The following DRC9 variants were observed in gnomAD, a reference collection of about 807,000 sequenced individuals.
The protein encoded by DRC9 is dynein regulatory complex subunit 9, also known as dynein regulatory complex protein 9.
the DRC9 span, among the ~76,000 whole-genome samples, chr3:197,945,425 G>C: frequency 6.6e-6 from 1 of 152,272 alleles, no homozygotes; most frequent in East Asian, 1.9e-4. Context: ...GAGACCTCAA[G>C]CCAGCACCAT....
the DRC9 span, among the ~76,000 whole-genome samples, chr3:197,899,885 A>G: frequency 3.3e-5 from 5 of 152,256 alleles, no homozygotes; most frequent in Non-Finnish European, 7.4e-5. Flanking sequence ...GGTAGGAAAG[A>G]CGGCTTTGAA....
At chr3:197,956,888 CCT>C in the DRC9 span, 1 of 151,920 alleles carries the variant, frequency 6.6e-6, no homozygotes, top group Non-Finnish European at 1.5e-5. Context: ...TTGTCTGCCC[CCT>C]GAGGGTTACT....
the DRC9 span, among the ~76,000 whole-genome samples, chr3:197,947,090 C>T: frequency 1.3e-5 from 2 of 152,228 alleles, no homozygotes; most frequent in Non-Finnish European, 2.9e-5. Flanking sequence ...AGATTACAGG[C>T]GTGAGCCAAG....
At chr3:197,935,308 C>T in the DRC9 span, among the ~76,000 whole-genome samples, 9 of 152,034 alleles carry the variant, frequency 5.9e-5, no homozygotes, top group South Asian at 2.1e-4. Flanking sequence ...GGCGTGGTGA[C>T]GCACGCCAGT....
chr3:197,930,676 G>A, the DRC9 span, among the ~76,000 whole-genome samples: 2 of 151,376 alleles, frequency 1.3e-5, no homozygotes, highest in Admixed American at 6.6e-5. Flanking sequence ...TGAGGCTGCA[G>A]TGAGCTGTGG....
At chr3:197,932,967 T>TTATATTATA in the DRC9 span, among the ~76,000 whole-genome samples, 2 of 135,422 alleles carry the variant, frequency 1.5e-5, no homozygotes, top group African/African-American at 5.6e-5. Flanking sequence ...TTATTATATA[T>TTATATTATA]TATATTATAT....
the DRC9 span, among the ~76,000 whole-genome samples, chr3:197,896,408 A>G: frequency 6.6e-6 from 1 of 152,240 alleles, no homozygotes. Context: ...ATGGCATGCA[A>G]ATAACTAGAG....
the DRC9 span, chr3:197,938,788 A>G: frequency 8.8e-6 from 14 of 1,583,596 alleles, no homozygotes; most frequent in Non-Finnish European, 1.2e-5. Context: ...TTTCTTTTAA[A>G]ACAATAAACA....
the DRC9 span, among the ~76,000 whole-genome samples, chr3:197,940,192 C>T: frequency 2.6e-5 from 4 of 151,836 alleles, no homozygotes; most frequent in Non-Finnish European, 4.4e-5. Context: ...GATGAGGTTT[C>T]GCCATTTTGG....
the DRC9 span, among the ~76,000 whole-genome samples, chr3:197,941,653 T>C: frequency 1.4e-5 from 2 of 143,890 alleles, no homozygotes; most frequent in Non-Finnish European, 3.0e-5. Context: ...CTCAGTCTCA[T>C]GGGCTCAAAT....
the DRC9 span, among the ~76,000 whole-genome samples, chr3:197,940,324 T>A: frequency 1.2e-4 from 18 of 145,182 alleles, no homozygotes; most frequent in East Asian, 9.9e-4. Context: ...TATATATATA[T>A]AATAATATAT....
At chr3:197,953,778 C>T in the DRC9 span, 1 of 601,480 alleles carries the variant, frequency 1.7e-6, no homozygotes, top group Non-Finnish European at 3.0e-6. Context: ...ACTTGGTTAT[C>T]ATGTGAAAGA....
At chr3:197,889,431 C>A in the DRC9 span, 1 of 882,894 alleles carries the variant, frequency 1.1e-6, no homozygotes, top group Middle Eastern at 2.3e-4. Flanking sequence ...GTGAAATTAA[C>A]AGGCAAAGTG....
At chr3:197,891,950 C>T in the DRC9 span, among the ~76,000 whole-genome samples, 17 of 152,150 alleles carry the variant, frequency 1.1e-4, no homozygotes, top group African/African-American at 3.4e-4. Context: ...AGTGCAGTGG[C>T]GCAGTGTTGG....
chr3:197,891,626 A>G, the DRC9 span: 7 of 675,116 alleles, frequency 1.0e-5, no homozygotes, highest in East Asian at 2.8e-5. Context: ...CACTTTTAAT[A>G]TAAAATTTCA....
chr3:197,920,562 A>G, the DRC9 span, among the ~76,000 whole-genome samples: 1 of 152,148 alleles, frequency 6.6e-6, no homozygotes, highest in African/African-American at 2.4e-5. Context: ...CTCCGTCTCT[A>G]CTAAAAACAC....
the DRC9 span, among the ~76,000 whole-genome samples, chr3:197,952,105 T>C: frequency 6.6e-6 from 1 of 152,074 alleles, no homozygotes; most frequent in Admixed American, 6.6e-5. Context: ...TGCCAGAATT[T>C]AAGGATTTTT....
the DRC9 span, among the ~76,000 whole-genome samples, chr3:197,902,802 A>G: frequency 6.6e-6 from 1 of 152,098 alleles, no homozygotes; most frequent in Non-Finnish European, 1.5e-5. Flanking sequence ...CAAAATACCA[A>G]TGACATTCTT....
chr3:197,901,274 A>G, the DRC9 span, among the ~76,000 whole-genome samples: 3 of 152,200 alleles, frequency 2.0e-5, no homozygotes, highest in Admixed American at 1.3e-4. This position sits in a 1 kb window ranked among gnomAD's most constrained non-coding sequence, Gnocchi z 4.4. Context: ...AGTAGCTGGC[A>G]TTACAGGCAC....
Sources: gnomAD v4.1 joint callset for allele counts (sites outside exome capture counted in the v4.1 genomes callset) on GRCh38, gnomAD v4.1.1 for gene constraint, Gnocchi (gnomAD v3.1) non-coding constraint, MANE v1.5 for transcripts, NCBI Gene and HGNC (gene_info 2026-07-23, HGNC 2026-07-21) for gene names.